RGS6: variants seen among roughly 807,000 people sequenced by gnomAD.
RGS6 encodes the protein regulator of G-protein signaling 6.
In RGS6, 30 loss-of-function variants were observed where a neutral mutation model predicts 78.5. That is an observed-to-expected ratio of 0.38 (90% CI 0.29 to 0.52). The LOEUF (loss-of-function observed/expected upper bound fraction) is 0.52. RGS6 is among the 20% of genes least tolerant of loss of function. The pLI is 0.85. For missense variants in RGS6, 495 were observed against 609.7 expected (o/e 0.81, Z 1.98); for synonymous variants, 206 against 206.0 (o/e 1.00, Z 0.00).
intron 3 of RGS6, among the ~76,000 whole-genome samples, chr14:72,444,020 C>T (rs1426849780): frequency 1.3e-5 from 2 of 152,202 alleles, no homozygotes; most frequent in Non-Finnish European, 2.9e-5. Context: ...GCACACTCTC[C>T]CCTTGCCCTG....
At chr14:72,349,560 A>G (rs2078730471) in intron 2 of RGS6, among the ~76,000 whole-genome samples, 1 of 152,186 alleles carries the variant, frequency 6.6e-6, no homozygotes, top group Admixed American at 6.5e-5. Flanking sequence ...CACACCTGTG[A>G]TGTTGCAGAC....
the RGS6 span, among the ~76,000 whole-genome samples, chr14:72,582,061 C>A: frequency 6.6e-6 from 1 of 152,170 alleles, no homozygotes; most frequent in Non-Finnish European, 1.5e-5. Flanking sequence ...TTCATGGGAA[C>A]TAATTTGTTT....
the RGS6 span, among the ~76,000 whole-genome samples, chr14:72,601,440 G>A: frequency 1.3e-5 from 2 of 152,026 alleles, no homozygotes; most frequent in African/African-American, 2.4e-5. Context: ...CACTCAAGGT[G>A]CTCCAGGTCG....
chr14:72,212,531 C>T (rs1383311245), intron 2 of RGS6, among the ~76,000 whole-genome samples: 2 of 152,148 alleles, frequency 1.3e-5, no homozygotes, highest in Non-Finnish European at 2.9e-5. Flanking sequence ...CAAAAATTGG[C>T]AGGCATGTTA....
intron 6 of RGS6, among the ~76,000 whole-genome samples, chr14:72,465,384 A>C (rs1284639760): frequency 6.6e-6 from 1 of 151,990 alleles, no homozygotes; most frequent in African/African-American, 2.4e-5. Flanking sequence ...AATATGGAGG[A>C]GTCCTCATTT....
At chr14:71,876,260 T>C in the RGS6 span, among the ~76,000 whole-genome samples, 2 of 152,038 alleles carry the variant, frequency 1.3e-5, no homozygotes, top group South Asian at 2.1e-4. Context: ...AAGTCTCCCA[T>C]TATTATTGTA....
At chr14:72,006,007 A>G (rs1488508086) in intron 2 of RGS6, among the ~76,000 whole-genome samples, 1 of 152,162 alleles carries the variant, frequency 6.6e-6, no homozygotes, top group Non-Finnish European at 1.5e-5. Context: ...GTTAAATTAA[A>G]TGACTCTATA....
At position 72,349,039 on chromosome 14, in the gene RGS6, G is replaced by A. The variant is rs144192821; in HGVS notation, c.85-3056G>A. Reference sequence around the variant, plus strand: ...AAATTAGCCAGGCGTGGTGGCAGGCGCCTGTAGTCCCCAGCTACTCAGGAA... The same window carrying A: ...AAATTAGCCAGGCGTGGTGGCAGGCACCTGTAGTCCCCAGCTACTCAGGAA... On this transcript the variant is annotated intron_variant, in intron 2 of 17. Transcript: ENST00000553525. Among the ~76,000 whole-genome samples, 1,130 of 151,974 alleles carry A rather than the reference G, an allele frequency of 7.4e-3. 32 individuals are homozygous for A. The highest frequency in any genetic ancestry group is 0.044 in the Admixed American group (673 of 15,136).
chr14:72,379,402 C>T (rs943877201), intron 3 of RGS6, among the ~76,000 whole-genome samples: 7 of 152,174 alleles, frequency 4.6e-5, no homozygotes, highest in African/African-American at 1.2e-4. Context: ...TCTCTGTTTG[C>T]AGGCACATGA....
Position 72,438,360 on chromosome 14 carries a change from C to G in RGS6, c.185-16168C>G, listed in dbSNP as rs150977257. Among the ~76,000 whole-genome samples the G allele has an allele frequency of 1.6e-4, 24 of 152,222 alleles. No homozygotes were observed. The East Asian group carries it at 3.5e-3, about 22-fold the overall frequency. ...GCTGCCTGAAGTGCATTCCTACACA[C>G]CAGTGACTCTCAAATACTATCTCCA... On this transcript the variant is annotated intron_variant, in intron 3 of 17. Transcript: ENST00000553525.
At chr14:72,045,912 C>T (rs1013708688) in intron 2 of RGS6, among the ~76,000 whole-genome samples, 5 of 152,054 alleles carry the variant, frequency 3.3e-5, no homozygotes, top group Admixed American at 6.6e-5. Context: ...CCCACGCCCC[C>T]GCACCCCGCC....
intron 3 of RGS6, among the ~76,000 whole-genome samples, chr14:72,412,319 T>C (rs1026732888): frequency 5.9e-5 from 9 of 152,244 alleles, no homozygotes; most frequent in African/African-American, 2.2e-4. Context: ...TCCAGGAATT[T>C]ATCCATTTCT....
intron 3 of RGS6, among the ~76,000 whole-genome samples, chr14:72,396,080 C>T (rs541159614): frequency 6.8e-4 from 103 of 152,196 alleles, no homozygotes; most frequent in African/African-American, 2.4e-3. Context: ...ATGATATTTC[C>T]AGTTCTAGAT....
chr14:71,948,766 T>A (rs1046255249), intron 1 of RGS6, among the ~76,000 whole-genome samples: 8 of 133,992 alleles, frequency 6.0e-5, no homozygotes, highest in Non-Finnish European at 1.3e-4. Context: ...TTTTTTTTTT[T>A]AAAGAGATGA....
chr14:72,269,567 A>ATTTTTTTTTTTTTTTTTTTTTTTTT (rs56171281), intron 2 of RGS6, among the ~76,000 whole-genome samples: 1 of 120,334 alleles, frequency 8.3e-6, no homozygotes. Context: ...CCTATCTTAA[A>ATTTTTTTTTTTTTTTTTTTTTTTTT]TTTTTTTTTT....
chr14:72,595,260 C>G, the RGS6 span: 9 of 152,106 alleles, frequency 5.9e-5, no homozygotes, highest in Non-Finnish European at 8.8e-5. Context: ...TATGCATCCT[C>G]AGGTCACTGG....
At chr14:72,418,430 G>A (rs574607218) in intron 3 of RGS6, among the ~76,000 whole-genome samples, 3 of 152,314 alleles carry the variant, frequency 2.0e-5, no homozygotes, top group South Asian at 4.1e-4. Flanking sequence ...GCCTCCCAAA[G>A]TGCTAGGATT....
At chr14:72,158,767 T>C (rs1042889286) in intron 2 of RGS6, among the ~76,000 whole-genome samples, 1 of 152,238 alleles carries the variant, frequency 6.6e-6, no homozygotes, top group Non-Finnish European at 1.5e-5. Context: ...AAAGTACTGA[T>C]ATATGACAAC....
chr14:72,103,834 C>T (rs1007398559), intron 2 of RGS6, among the ~76,000 whole-genome samples: 1 of 152,090 alleles, frequency 6.6e-6, no homozygotes, highest in African/African-American at 2.4e-5. Flanking sequence ...TTCAGGCCAG[C>T]CCAGATTCAA....
Sources: gnomAD v4.1 joint callset for allele counts (sites outside exome capture counted in the v4.1 genomes callset) on GRCh38, gnomAD v4.1.1 for gene constraint, MANE v1.5 for transcripts, NCBI Gene and HGNC (gene_info 2026-07-23, HGNC 2026-07-21) for gene names.